Variants in OSBPL9 observed in about 807,000 individuals in gnomAD.
OSBPL9 encodes the protein oxysterol-binding protein-related protein 9.
Under a neutral mutation model 106.6 loss-of-function variants are expected in OSBPL9, and 40 were observed. That is an observed-to-expected ratio of 0.38 (90% confidence interval 0.29 to 0.49). The LOEUF is 0.49. Among genes scored for constraint, OSBPL9 ranks in the 20% least tolerant of loss-of-function variants. The probability of loss-of-function intolerance (pLI) is 0.97; values close to 1 mark genes in which losing one functional copy is unlikely to be tolerated. For missense variants in OSBPL9, 609 were observed against 887.2 expected (o/e 0.69, Z 3.98); for synonymous variants, 269 against 295.4 (o/e 0.91, Z 0.92).
chr1:51,681,395 C>T (rs968867313), intron 3 of OSBPL9, among the ~76,000 whole-genome samples: 2 of 151,986 alleles, frequency 1.3e-5, no homozygotes, highest in African/African-American at 4.8e-5. Context: ...TCCTTTCCTT[C>T]AAAAATGAAC....
chr1:51,694,657 T>G (rs796503804), intron 3 of OSBPL9, among the ~76,000 whole-genome samples: 2 of 152,206 alleles, frequency 1.3e-5, no homozygotes, highest in Admixed American at 6.5e-5. Flanking sequence ...ACATCATGCG[T>G]TGGTTATTTG....
rs540391578 is a variant in OSBPL9, at chr1:51,703,935, C to T, written c.242-10068C>T. On this transcript the variant is annotated intron_variant, in intron 3 of 23. Transcript: ENST00000428468. ...TTGGTTCTGTTTATATGCTGGATTA[C>T]GTTTATTGATTTGCATATGTTGAAC... is the stretch of plus-strand genomic sequence containing the variant. Among the ~76,000 whole-genome samples, 19 of 152,236 alleles carry T rather than the reference C, an allele frequency of 1.2e-4. No homozygotes were observed. The South Asian group carries it at 3.3e-3, about 27-fold the overall frequency.
intron 1 of OSBPL9, among the ~76,000 whole-genome samples, chr1:51,590,900 C>T (rs1184970531): frequency 6.6e-6 from 1 of 151,030 alleles, no homozygotes; most frequent in Non-Finnish European, 1.5e-5. Context: ...CAGGCACATG[C>T]CACCATGCCT....
At chr1:51,748,306 A>T in intron 6 of OSBPL9, 63 bp from the exon 7 acceptor site, 1 of 1,488,504 alleles carries the variant, frequency 6.7e-7, no homozygotes, top group Non-Finnish European at 8.9e-7. Context: ...ACTAGCCAGT[A>T]AAAAATAACC....
At chr1:51,747,768 A>T (rs1199293277) in intron 6 of OSBPL9, among the ~76,000 whole-genome samples, 1 of 152,032 alleles carries the variant, frequency 6.6e-6, no homozygotes, top group African/African-American at 2.4e-5. Context: ...CTTTCAGGTA[A>T]GGAATAAGAA....
the OSBPL9 span, among the ~76,000 whole-genome samples, chr1:51,536,937 C>T: frequency 6.6e-6 from 1 of 152,098 alleles, no homozygotes; most frequent in Non-Finnish European, 1.5e-5. Context: ...GTATTTTTTC[C>T]TGTGTAAGTA....
At chr1:51,579,791 G>A (rs1034305990) in intron 1 of OSBPL9, among the ~76,000 whole-genome samples, 2 of 151,374 alleles carry the variant, frequency 1.3e-5, no homozygotes, top group African/African-American at 4.9e-5. Context: ...AGAGGTCAAG[G>A]CTGCAGTGAG....
intron 3 of OSBPL9, among the ~76,000 whole-genome samples, chr1:51,694,802 A>G (rs968072555): frequency 6.6e-5 from 10 of 152,208 alleles, no homozygotes; most frequent in Admixed American, 3.3e-4. Context: ...AGAATCTGTC[A>G]AGGTCGTGGT....
intron 4 of OSBPL9, among the ~76,000 whole-genome samples, chr1:51,727,163 G>A (rs61635145): frequency 7.3e-6 from 1 of 137,354 alleles, no homozygotes; most frequent in Non-Finnish European, 1.5e-5. Context: ...TACTGGCTTA[G>A]AGAACCGTTT....
chr1:51,659,219 G>A (rs910519407), intron 2 of OSBPL9, among the ~76,000 whole-genome samples: 6 of 152,134 alleles, frequency 3.9e-5, no homozygotes, highest in African/African-American at 9.6e-5. Context: ...TACCAAAGAC[G>A]CAGTATCACA....
chr1:51,550,599 G>A, the OSBPL9 span, among the ~76,000 whole-genome samples: 6 of 152,164 alleles, frequency 3.9e-5, no homozygotes, highest in African/African-American at 1.2e-4. Flanking sequence ...TGCAACTTTC[G>A]CCTCCCAGGT....
intron 4 of OSBPL9, among the ~76,000 whole-genome samples, chr1:51,728,308 T>C (rs1663495635): frequency 1.3e-5 from 2 of 152,194 alleles, no homozygotes; most frequent in Non-Finnish European, 2.9e-5. Context: ...TGAGAATGAA[T>C]TGGAGTAGCC....
chr1:51,614,154 G>T (rs1241567951), upstream of OSBPL9, among the ~76,000 whole-genome samples: 1 of 152,172 alleles, frequency 6.6e-6, no homozygotes, highest in Non-Finnish European at 1.5e-5. Flanking sequence ...CTATAGAAAA[G>T]AGGCGATCCC....
chr1:51,623,238 A>G (rs1644553655), intron 1 of OSBPL9, among the ~76,000 whole-genome samples: 1 of 152,166 alleles, frequency 6.6e-6, no homozygotes, highest in African/African-American at 2.4e-5. Context: ...GTTATTCAAG[A>G]TGTTTCATTG....
At chr1:51,521,717 A>G in the OSBPL9 span, among the ~76,000 whole-genome samples, 6 of 152,148 alleles carry the variant, frequency 3.9e-5, no homozygotes, top group African/African-American at 1.4e-4. Context: ...AACACCTTGT[A>G]TGTATACAGT....
At chr1:51,767,285 C>T (rs533711019) in intron 12 of OSBPL9, among the ~76,000 whole-genome samples, 53 of 151,594 alleles carry the variant, frequency 3.5e-4, no homozygotes, top group African/African-American at 1.2e-3. Flanking sequence ...CCTAGCTACT[C>T]GGGAGGCTAA....
the OSBPL9 span, among the ~76,000 whole-genome samples, chr1:51,564,052 CAAAAA>C: frequency 2.6e-4 from 7 of 27,384 alleles, no homozygotes; most frequent in South Asian, 6.6e-3. Flanking sequence ...GAGATCATCT[CAAAAA>C]AAAAAAAAAA....
the OSBPL9 span, among the ~76,000 whole-genome samples, chr1:51,554,103 T>TC: frequency 1.3e-5 from 2 of 152,114 alleles, no homozygotes; most frequent in South Asian, 2.1e-4. Context: ...CAGCAGTGAG[T>TC]CACAATCACA....
intron 4 of OSBPL9, among the ~76,000 whole-genome samples, chr1:51,733,616 C>T (rs116486167): frequency 0.012 from 1,823 of 151,998 alleles, 38 homozygotes; most frequent in African/African-American, 0.042. Flanking sequence ...CTCTAATAAA[C>T]GTACAAAAAT....
Sources: allele counts gnomAD v4.1 joint callset (sites outside exome capture counted in the v4.1 genomes callset), GRCh38; gene constraint gnomAD v4.1.1; transcripts MANE v1.5; gene names NCBI Gene and HGNC (gene_info 2026-07-23, HGNC 2026-07-21).